Variants in TMEM120A observed in about 807,000 individuals in gnomAD.
TMEM120A encodes the protein ion channel TACAN.
In TMEM120A, 45 loss-of-function variants were observed where a neutral mutation model predicts 54.3. That is an observed-to-expected ratio of 0.83 (90% CI 0.65 to 1.06). The LOEUF (loss-of-function observed/expected upper bound fraction) is 1.06, where lower values mean the gene tolerates loss of function less well. Ranked by LOEUF, TMEM120A falls within the 50% of genes least tolerant of loss-of-function variation. The pLI is 0.00. For synonymous variants in TMEM120A, 204 were observed against 178.5 expected, an observed-to-expected ratio of 1.14 and a Z score of -1.14; for missense variants, 424 against 441.7, an observed-to-expected ratio of 0.96 and a Z score of 0.36.
Position 75,994,449 on chromosome 7 carries a change from A to ACGAGG in TMEM120A, c.81+40_81+41insCCTCG, listed in dbSNP as rs1789980658. On this transcript the variant is annotated intron_variant, in intron 1 of 11. Coordinates refer to ENST00000493111, the MANE Select transcript of TMEM120A (RefSeq NM_031925.3). ...CGACCCTTGACCCTGAGCCAGCGAG[A>ACGAGG]CGCGGCTCGGGGGCGACCCGGCGTC... The ACGAGG allele has an allele frequency of 3.9e-6, 6 of 1,528,222 alleles. No individual in the cohort carries two copies. The East Asian group carries it at 1.2e-4, about 31-fold the overall frequency. 94.7% of individuals were successfully genotyped at this position (1,528,222 alleles called of 1,614,324 possible).
rs374331144 is a variant in TMEM120A, at chr7:75,988,085, C to A, written c.627G>T (p.Thr209=). Residue 209 remains threonine, a splice_region_variant and synonymous_variant, in exon 7 of 12, where the codon ACG becomes ACT. Transcript: ENST00000493111. The part of the protein sequence containing the change: ...VSTFLSGVML[T]WPDGLMYQKF... ...CCTGCCGGGGCCCAGCCACTCACCA[C>A]GTCAGCATGACTCCCGACAGGAAGG... 3.7e-6 allele frequency: 6 copies of A among 1,607,306 alleles called. No individual in the cohort carries two copies. In the East Asian group the frequency reaches 1.1e-4, roughly 30 times the overall value.
rs1554562055 is a variant in TMEM120A, at chr7:75,992,426, A to G, written c.200+13T>C. The G allele has an allele frequency of 6.3e-7, 1 of 1,582,870 alleles. No homozygotes were observed. Among genetic ancestry groups the G allele is most frequent in the Non-Finnish European group, 8.6e-7 (1 of 1,163,862 alleles). On this transcript the variant is annotated intron_variant, in intron 2 of 11. Coordinates refer to ENST00000493111, the MANE Select transcript of TMEM120A (RefSeq NM_031925.3). ...ACACTCTGCCCATGGCGGGTGGGGT[A>G]GGGGATCCTAACTTCTTCAGGGCGA...
In TMEM120A at chr7:75,988,311, C is replaced by T. The variant is rs1789636622; in HGVS notation, c.504G>A (p.Leu168=). 1 of 1,612,090 alleles carries T rather than the reference C, an allele frequency of 6.2e-7. No individual in the cohort carries two copies. Among genetic ancestry groups the T allele is most frequent in the Non-Finnish European group, 8.5e-7 (1 of 1,179,828 alleles). ...RVTDAAFNFL[L]VWYYCTLTIR... ...TGGTCAGGGTGCAGTAGTACCAGAC[C>T]AGCAGGAAGTTGAAGGCAGCATCTG... is the stretch of plus-strand genomic sequence containing the variant. The change falls in exon 6 of 12, where the codon CTG becomes CTA. Residue 168 remains leucine (L), a synonymous_variant. Transcript: ENST00000493111.
Position 75,994,558 on chromosome 7 carries a change from G to GT in TMEM120A, c.12_13insA (p.Pro5ThrfsTer92). The GT allele has an allele frequency of 3.4e-5, 52 of 1,549,448 alleles. No homozygotes were observed. The highest frequency in any genetic ancestry group is 4.4e-5 in the Non-Finnish European group (50 of 1,147,718). On this transcript the variant is annotated frameshift_variant, in exon 1 of 12. Coordinates refer to ENST00000493111, the MANE Select transcript of TMEM120A (RefSeq NM_031925.3). LOFTEE classifies it high-confidence loss of function. Reference sequence around the variant, plus strand: ...AGGCAGTCGCCCAGCGGGCCCGGGGGCGGGGGCTGCATGGCTGCAGCGCCA... The same window carrying GT: ...AGGCAGTCGCCCAGCGGGCCCGGGGGTCGGGGGCTGCATGGCTGCAGCGCCA...
rs1487321132 is a variant in TMEM120A, at chr7:75,987,039, C to T, written c.*133G>A. On this transcript the variant is annotated 3_prime_UTR_variant, in exon 12 of 12. Coordinates refer to ENST00000493111, the MANE Select transcript of TMEM120A (RefSeq NM_031925.3). ...CTGGGCCCAGGTCTTCCTTCAGGGC[C>T]CACAGCGCCCATAAAACCCAAGGGA... 7.9e-6 allele frequency: 6 copies of T among 758,212 alleles called. No individual in the cohort carries two copies. Among genetic ancestry groups the T allele is most frequent in the African/African-American group, 7.1e-5 (4 of 56,688 alleles). 47.0% of individuals were successfully genotyped at this position (758,212 alleles called of 1,614,324 possible). A position where few individuals can be genotyped will look rare whatever the true frequency, so the allele number is the denominator to read the frequency against.
At chr7:75,991,479 C>T (rs568875500) in intron 3 of TMEM120A, among the ~76,000 whole-genome samples, 4 of 152,280 alleles carry the variant, frequency 2.6e-5, no homozygotes, top group African/African-American at 9.6e-5. Flanking sequence ...GATCTCAGCT[C>T]ACTGCAGCCT....
chr7:75,987,665 C>A (rs1563439196), intron 9 of TMEM120A, 53 bp downstream of exon 9: 1 of 1,606,290 alleles, frequency 6.2e-7, no homozygotes, highest in Admixed American at 1.7e-5. Context: ...CCACTCAGAC[C>A]CGGGATGGGA....
At chr7:75,992,403 A>C (rs782817621) in intron 2 of TMEM120A, 36 bp downstream of exon 2, 1 of 1,580,844 alleles carries the variant, frequency 6.3e-7, no homozygotes, top group Non-Finnish European at 8.6e-7. Flanking sequence ...CCCACCCCAC[A>C]CTCTGCCCAT....
intron 9 of TMEM120A, 34 bp from the exon 10 acceptor site, chr7:75,987,636 A>C (rs782233628): frequency 3.1e-6 from 5 of 1,605,402 alleles, no homozygotes; most frequent in Non-Finnish European, 4.2e-6. Flanking sequence ...CAGGACGGCC[A>C]GGGACAGAGG....
rs560837122 is a variant in TMEM120A at position 75,988,401 on chromosome 7, G to A, written c.473+20C>T. 93 of 1,610,978 alleles carry A rather than the reference G, an allele frequency of 5.8e-5. No individual in the cohort carries two copies. Among genetic ancestry groups the A allele is most frequent in the Middle Eastern group, 1.7e-4 (1 of 6,046 alleles). On this transcript the variant is annotated intron_variant, in intron 5 of 11. Coordinates refer to ENST00000493111, the MANE Select transcript of TMEM120A (RefSeq NM_031925.3). The stretch of plus-strand genomic sequence containing the variant: ...GCGACTGGGGATGGGGTGGGTCCTC[G>A]GCCGGGGTGGGACGCCCACCTGGAG...
chr7:75,988,627 T>C lies in TMEM120A; in HGVS notation c.378-111A>G. On this transcript the variant is annotated intron_variant, in intron 4 of 11. Transcript: ENST00000493111. ...TAGTCGGATGGAGGAGAAGGCCGGG[T>C]TGGGGGGTGGAGGGGAAGGCCAGGT... is the stretch of plus-strand genomic sequence containing the variant. 4 of 303,410 alleles carry C rather than the reference T, an allele frequency of 1.3e-5. No homozygotes were observed. In the Admixed American group the frequency reaches 1.6e-4, roughly 12 times the overall value. 18.8% of individuals were successfully genotyped at this position (303,410 alleles called of 1,614,324 possible).
intron 3 of TMEM120A, among the ~76,000 whole-genome samples, chr7:75,989,763 C>A (rs1000530798): frequency 1.3e-5 from 2 of 152,064 alleles, no homozygotes; most frequent in South Asian, 2.1e-4. Context: ...ACCACGACCC[C>A]CCTTGTCCCT....
chr7:75,993,948 GCCCACCCCT>G (rs1329846630), intron 1 of TMEM120A, among the ~76,000 whole-genome samples: 1 of 76,930 alleles, frequency 1.3e-5, no homozygotes, highest in African/African-American at 5.1e-5. Flanking sequence ...GCCTAGCCCC[GCCCACCCCT>G]CCCACCCGTC....
chr7:75,987,827 A>C lies in TMEM120A; in HGVS notation c.692-17T>G. 6.2e-7 allele frequency: 1 copy of C among 1,609,478 alleles called. No homozygotes were observed. The highest frequency in any genetic ancestry group is 8.5e-7 in the Non-Finnish European group (1 of 1,178,514). ...GCACGAAGCCTGGGCCGGGCGGAGG[A>C]CAGAGGAGCAGGGCTGAGCCCCGGG... On this transcript the variant is annotated splice_polypyrimidine_tract_variant and intron_variant, in intron 8 of 11. Transcript: ENST00000493111.
intron 3 of TMEM120A, among the ~76,000 whole-genome samples, chr7:75,989,914 T>C (rs1169881600): frequency 1.3e-5 from 2 of 152,062 alleles, no homozygotes; most frequent in Non-Finnish European, 2.9e-5. Context: ...ATCTTGCCCT[T>C]CTCTGCCAGA....
intron 10 of TMEM120A, 34 bp from the exon 11 acceptor site, chr7:75,987,462 C>T (rs1554560112): frequency 8.3e-6 from 13 of 1,560,366 alleles, no homozygotes; most frequent in South Asian, 8.2e-5. Flanking sequence ...CTCAGAAGAC[C>T]CAGTCCCTGC....
intron 3 of TMEM120A, among the ~76,000 whole-genome samples, chr7:75,990,320 G>A (rs1364197938): frequency 1.3e-5 from 2 of 152,014 alleles, no homozygotes; most frequent in East Asian, 1.9e-4. Flanking sequence ...ACTATGCCAG[G>A]AGCACTGTGC....
At position 75,987,104 on chromosome 7, in the gene TMEM120A, C is replaced by T. The variant is rs782641200; in HGVS notation, c.*68G>A. The T allele has an allele frequency of 6.0e-5, 78 of 1,310,356 alleles. No individual in the cohort carries two copies. Among genetic ancestry groups the T allele is most frequent in the Admixed American group, 1.8e-4 (9 of 50,664 alleles). 81.2% of individuals were successfully genotyped at this position (1,310,356 alleles called of 1,614,324 possible). ...CCCTGATACACGCACACTCGAGGGG[C>T]GCCTCCCATCCCCTCCCACAACACA... On this transcript the variant is annotated 3_prime_UTR_variant, in exon 12 of 12. Coordinates refer to ENST00000493111, the MANE Select transcript of TMEM120A (RefSeq NM_031925.3).
chr7:75,988,633 G>GT (rs1789665863), intron 4 of TMEM120A, 117 bp from the exon 5 acceptor site: 1 of 341,110 alleles, frequency 2.9e-6, no homozygotes, highest in African/African-American at 7.8e-5. Flanking sequence ...CGGGTTGGGG[G>GT]GTGGAGGGGA....
Sources: allele counts gnomAD v4.1 joint callset (sites outside exome capture counted in the v4.1 genomes callset), GRCh38; gene constraint gnomAD v4.1.1; transcripts MANE v1.5; gene names NCBI Gene and HGNC (gene_info 2026-07-23, HGNC 2026-07-21).